Variants in IL15 observed in about 807,000 individuals in gnomAD.
IL15 encodes the protein interleukin-15.
Under a neutral mutation model 19.6 loss-of-function variants are expected in IL15, and 11 were observed. The observed-to-expected ratio is 0.56, with a 90% CI of 0.35 to 0.93. The LOEUF is 0.93. Among genes scored for constraint, IL15 ranks in the 40% least tolerant of loss-of-function variants. IL15 has a pLI of 0.01. For missense variants in IL15, 197 were observed against 186.5 expected, an observed-to-expected ratio of 1.06 and a Z score of -0.33; for synonymous variants, 58 against 59.6, an observed-to-expected ratio of 0.97 and a Z score of 0.12.
rs368036958 is a variant in IL15, at chr4:141,704,001, G to A, written c.-99-15365G>A. 1.6e-4 allele frequency among the ~76,000 whole-genome samples: 25 copies of A among 152,216 alleles called. 1 individual carries two copies. Among genetic ancestry groups the A allele is most frequent in the African/African-American group, 6.0e-4 (25 of 41,536 alleles). The stretch of plus-strand genomic sequence containing the variant: ...TTTAATATATAAAGTTTTATCATCT[G>A]CAAACTGGGACAATTTGACTTCCTC... On this transcript the variant is annotated intron_variant, in intron 2 of 7. Transcript: ENST00000320650.
chr4:141,678,605 A>AT (rs5862541), intron 2 of IL15, among the ~76,000 whole-genome samples: 171 of 126,568 alleles, frequency 1.4e-3, no homozygotes, highest in Middle Eastern at 8.1e-3. Flanking sequence ...GATTTCGTTG[A>AT]TTTTTTTTTT....
intron 1 of IL15, among the ~76,000 whole-genome samples, chr4:141,653,266 G>T (rs1365953909): frequency 6.6e-6 from 1 of 152,094 alleles, no homozygotes; most frequent in Non-Finnish European, 1.5e-5. Context: ...TCTTCCAGGA[G>T]TTCATCTTCT....
At chr4:141,683,805 C>G (rs963754526) in intron 2 of IL15, among the ~76,000 whole-genome samples, 1 of 152,028 alleles carries the variant, frequency 6.6e-6, no homozygotes, top group Non-Finnish European at 1.5e-5. Context: ...AGCTTTAGGT[C>G]GGGGAGAGAG....
intron 1 of IL15, among the ~76,000 whole-genome samples, chr4:141,648,601 G>C (rs562468888): frequency 7.0e-4 from 106 of 152,038 alleles, no homozygotes; most frequent in African/African-American, 2.4e-3. Context: ...TTCTTCTCTT[G>C]TTATGCTGTT....
rs180759889 is a variant in IL15, at chr4:141,650,376, C to T, written c.-221-5810C>T. Among the ~76,000 whole-genome samples the T allele has an allele frequency of 2.2e-4, 34 of 152,084 alleles. No individual in the cohort carries two copies. In the East Asian group the frequency reaches 3.7e-3, roughly 16 times the overall value. ...ATCCCTCAATGTCTACTAGTAACTG[C>T]GCTTTAGATATAGTCAATACATATG... On this transcript the variant is annotated intron_variant, in intron 1 of 7. Coordinates refer to ENST00000320650, the MANE Select transcript of IL15 (RefSeq NM_000585.5).
intron 2 of IL15, among the ~76,000 whole-genome samples, chr4:141,680,958 C>A (rs985868504): frequency 1.2e-4 from 18 of 152,152 alleles, no homozygotes; most frequent in Non-Finnish European, 5.9e-5. Flanking sequence ...TGCTTCAGTG[C>A]CAGTTCTTCC....
At chr4:141,660,591 C>T (rs967518608) in intron 2 of IL15, among the ~76,000 whole-genome samples, 4 of 152,066 alleles carry the variant, frequency 2.6e-5, no homozygotes, top group African/African-American at 7.2e-5. Flanking sequence ...ATTTTGTTTA[C>T]GTGGTTGTTA....
At chr4:141,724,693 A>G (rs1730201002) in intron 5 of IL15, among the ~76,000 whole-genome samples, 1 of 152,070 alleles carries the variant, frequency 6.6e-6, no homozygotes, top group Non-Finnish European at 1.5e-5. Flanking sequence ...CAAATCTGAT[A>G]ACTTAGAGGA....
At chr4:141,680,375 T>C (rs771758624) in intron 2 of IL15, among the ~76,000 whole-genome samples, 1 of 152,244 alleles carries the variant, frequency 6.6e-6, no homozygotes, top group Non-Finnish European at 1.5e-5. Context: ...TTCATTCTAC[T>C]GAATGAATAT....
intron 5 of IL15, among the ~76,000 whole-genome samples, 188 bp downstream of exon 5, chr4:141,722,196 G>A (rs138689852): frequency 2.1e-3 from 312 of 152,168 alleles, no homozygotes; most frequent in African/African-American, 7.1e-3. Context: ...TCTTTAAAAC[G>A]TAATTTATAA....
chr4:141,729,461 A>G (rs1730377813), intron 6 of IL15, among the ~76,000 whole-genome samples: 1 of 152,128 alleles, frequency 6.6e-6, no homozygotes, highest in African/African-American at 2.4e-5. Flanking sequence ...CACTATTTAA[A>G]ATGTTAACAA....
chr4:141,647,293 A>G (rs935834416), intron 1 of IL15, among the ~76,000 whole-genome samples: 2 of 152,046 alleles, frequency 1.3e-5, no homozygotes, highest in African/African-American at 4.8e-5. Flanking sequence ...CAGCTAACAC[A>G]TGGGGCAAGG....
chr4:141,708,371 T>C (rs932832209), intron 2 of IL15, among the ~76,000 whole-genome samples: 1 of 152,170 alleles, frequency 6.6e-6, no homozygotes, highest in African/African-American at 2.4e-5. Context: ...TCAGTTGCTA[T>C]TGGCTCCTAC....
chr4:141,660,054 G>A (rs1331944059), intron 2 of IL15, among the ~76,000 whole-genome samples: 1 of 151,998 alleles, frequency 6.6e-6, no homozygotes, highest in African/African-American at 2.4e-5. Flanking sequence ...TTGTTCCTTG[G>A]TGAGCTCTGC....
chr4:141,728,306 A>G (rs550373626), intron 6 of IL15, among the ~76,000 whole-genome samples: 5 of 152,236 alleles, frequency 3.3e-5, no homozygotes, highest in African/African-American at 9.6e-5. Context: ...AACTGTTTCA[A>G]TTTAAGAGTA....
chr4:141,643,896 T>A (rs1271259107), intron 1 of IL15, among the ~76,000 whole-genome samples: 1 of 151,822 alleles, frequency 6.6e-6, no homozygotes. Context: ...GGATGTCTAA[T>A]ACTCACTGGA....
intron 7 of IL15, 141 bp from the exon 8 acceptor site, chr4:141,732,597 C>T: frequency 1.5e-5 from 16 of 1,094,000 alleles, no homozygotes; most frequent in Non-Finnish European, 2.0e-5. Flanking sequence ...GTAGTTCTTC[C>T]TAATATGCTA....
intron 2 of IL15, among the ~76,000 whole-genome samples, chr4:141,688,663 T>C (rs1259487155): frequency 1.3e-5 from 2 of 152,340 alleles, no homozygotes; most frequent in Non-Finnish European, 2.9e-5. Context: ...TTTTAGACCA[T>C]TGCATTATAT....
rs946809048 is a variant in IL15, at chr4:141,656,220, G to A, written c.-187G>A. On this transcript the variant is annotated 5_prime_UTR_variant, in exon 2 of 8. Coordinates refer to ENST00000320650, the MANE Select transcript of IL15 (RefSeq NM_000585.5). ...CAATATATGGCCATGTGGCTCTTTG[G>A]AGCAATGTTCCATCATGTTCCATGC... 2.5e-6 allele frequency: 1 copy of A among 398,148 alleles called. No homozygotes were observed. Among genetic ancestry groups the A allele is most frequent in the Non-Finnish European group, 4.4e-6 (1 of 225,948 alleles). The allele number at this position is 398,148 out of a possible 1,614,324, so 24.7% of individuals were successfully genotyped here. A position where few individuals can be genotyped will look rare whatever the true frequency, so the allele number is the denominator to read the frequency against.
Sources: allele counts gnomAD v4.1 joint callset (sites outside exome capture counted in the v4.1 genomes callset), GRCh38; gene constraint gnomAD v4.1.1; transcripts MANE v1.5; gene names NCBI Gene and HGNC (gene_info 2026-07-23, HGNC 2026-07-21).